LAMA4: variants seen among roughly 807,000 people sequenced by gnomAD.
The protein encoded by LAMA4 is laminin subunit alpha 4.
A neutral mutation model predicts 207.1 loss-of-function variants in LAMA4; 127 were observed. That is an observed-to-expected ratio of 0.61 (90% confidence interval 0.53 to 0.71). The LOEUF (loss-of-function observed/expected upper bound fraction) is 0.71, where lower values mean the gene tolerates loss of function less well. LAMA4 is among the 30% of genes least tolerant of loss of function. The probability of loss-of-function intolerance (pLI) is 0.00; values close to 1 mark genes in which losing one functional copy is unlikely to be tolerated. For synonymous variants in LAMA4, 761 were observed against 816.0 expected, an observed-to-expected ratio of 0.93 and a Z score of 1.15; for missense variants, 2,093 against 2,246.5, an observed-to-expected ratio of 0.93 and a Z score of 1.38.
At chr6:112,136,337 G>T in intron 24 of LAMA4, 83 bp from the exon 25 acceptor site, 1 of 1,083,664 alleles carries the variant, frequency 9.2e-7, no homozygotes, top group Non-Finnish European at 1.4e-6. Context: ...AAATAAGACT[G>T]TATTCTTTAT....
chr6:112,251,927 G>A (rs1469996834), intron 2 of LAMA4, among the ~76,000 whole-genome samples: 2 of 152,054 alleles, frequency 1.3e-5, no homozygotes, highest in African/African-American at 2.4e-5. Context: ...AATTCACTAC[G>A]TGACATTTTT....
chr6:112,113,403 G>C (rs587702159), intron 38 of LAMA4, among the ~76,000 whole-genome samples: 141 of 152,338 alleles, frequency 9.3e-4, no homozygotes, highest in Admixed American at 9.2e-3. Context: ...GGTTTTCCAA[G>C]TTAGTGAAAT....
At chr6:112,121,866 T>G (rs1778380354) in intron 32 of LAMA4, 148 bp downstream of exon 32, 1 of 703,178 alleles carries the variant, frequency 1.4e-6, no homozygotes, top group Non-Finnish European at 2.6e-6. Flanking sequence ...GCATAAATCA[T>G]GTACTATTTA....
At chr6:112,141,970 C>G in intron 20 of LAMA4, 149 bp downstream of exon 20, 1 of 759,134 alleles carries the variant, frequency 1.3e-6, no homozygotes, top group South Asian at 1.6e-5. Context: ...TTTAGTCATT[C>G]TTTTAATTTT....
intron 3 of LAMA4, among the ~76,000 whole-genome samples, chr6:112,211,453 A>C (rs553037449): frequency 6.6e-6 from 1 of 152,350 alleles, no homozygotes; most frequent in East Asian, 1.9e-4. Context: ...AACCTGAATT[A>C]AGCAGATATA....
chr6:112,159,795 C>A (rs531575317), intron 13 of LAMA4, among the ~76,000 whole-genome samples: 1 of 152,330 alleles, frequency 6.6e-6, no homozygotes, highest in East Asian at 1.9e-4. Flanking sequence ...TTTCCTCACT[C>A]TACTCCTGTG....
chr6:112,152,994 A>G (rs1780488004), intron 16 of LAMA4, among the ~76,000 whole-genome samples: 1 of 152,096 alleles, frequency 6.6e-6, no homozygotes, highest in Non-Finnish European at 1.5e-5. Context: ...GAGGAAGAAA[A>G]TCAATTTTGG....
At position 112,209,228 on chromosome 6, in the gene LAMA4, CCT is replaced by C. The variant is rs1784233553; in HGVS notation, c.298-2085_298-2084del. ...GAGTTCTTGCTGGACGGATGAAGCCCCTCTCTGCAGAAGAAAACAGGCCCATT... is the reference window on the plus strand; with the variant it reads ...GAGTTCTTGCTGGACGGATGAAGCCCCTCTGCAGAAGAAAACAGGCCCATT... On this transcript the variant is annotated intron_variant, in intron 3 of 38. Transcript: ENST00000230538. Among the ~76,000 whole-genome samples the C allele has an allele frequency of 3.3e-5, 5 of 152,098 alleles. No individual in the cohort carries two copies. In the South Asian group the frequency reaches 1.0e-3, roughly 31 times the overall value.
At chr6:112,181,757 T>C (rs1380032895) in intron 9 of LAMA4, among the ~76,000 whole-genome samples, 3 of 152,202 alleles carry the variant, frequency 2.0e-5, no homozygotes, top group Admixed American at 2.0e-4. Context: ...CTGAAGCATC[T>C]TGAAAACAGG....
intron 12 of LAMA4, among the ~76,000 whole-genome samples, chr6:112,170,603 A>T (rs1476826285): frequency 6.6e-6 from 1 of 152,226 alleles, no homozygotes; most frequent in Non-Finnish European, 1.5e-5. Context: ...CAGGATCCCC[A>T]AATTGGAAAG....
intron 2 of LAMA4, among the ~76,000 whole-genome samples, chr6:112,241,191 GA>G (rs371621602): frequency 1.7e-5 from 2 of 119,368 alleles, no homozygotes; most frequent in African/African-American, 3.0e-5. Context: ...GAATATATAT[GA>G]ATATATATGA....
At chr6:112,151,258 T>A (rs1474026852) in intron 16 of LAMA4, among the ~76,000 whole-genome samples, 1 of 152,190 alleles carries the variant, frequency 6.6e-6, no homozygotes, top group African/African-American at 2.4e-5. Context: ...AGTGAGGATA[T>A]GGTATTATAA....
In LAMA4 at chr6:112,117,912, A is replaced by C; in HGVS notation, c.4822-14T>G. 1.2e-6 allele frequency: 2 copies of C among 1,611,746 alleles called. No individual in the cohort carries two copies. The highest frequency in any genetic ancestry group is 1.7e-6 in the Non-Finnish European group (2 of 1,178,302). On this transcript the variant is annotated splice_polypyrimidine_tract_variant and intron_variant, in intron 34 of 38. Transcript: ENST00000230538. The surrounding 1 kb of genome is among the most constrained non-coding windows in gnomAD (Gnocchi z 4.5). ...GATGGAGTTAATCTGAGGGAAGAAG[A>C]TATTTCTTAAAATCAATTTTCTCAA...
chr6:112,122,458 C>T (rs1175029751), intron 31 of LAMA4, among the ~76,000 whole-genome samples: 2 of 152,140 alleles, frequency 1.3e-5, no homozygotes, highest in Non-Finnish European at 2.9e-5. Context: ...CAAAGTTAAA[C>T]TGAAGCTATA....
chr6:112,141,990 A>G, intron 20 of LAMA4, 129 bp downstream of exon 20: 2 of 864,602 alleles, frequency 2.3e-6, no homozygotes, highest in Middle Eastern at 2.2e-4. Flanking sequence ...TGCCATTAAA[A>G]TGAGATCTTC....
At chr6:112,251,207 G>T (rs957529387) in intron 2 of LAMA4, 2 of 152,174 alleles carry the variant, frequency 1.3e-5, no homozygotes, top group African/African-American at 4.8e-5. Flanking sequence ...GTTTTACAAG[G>T]AAAAGAGGAG....
intron 2 of LAMA4, chr6:112,217,711 TG>T (rs1554359183): frequency 6.6e-6 from 1 of 152,082 alleles, no homozygotes; most frequent in African/African-American, 2.4e-5. Flanking sequence ...CATTTGTCTA[TG>T]AAAAAAAGGC....
intron 2 of LAMA4, among the ~76,000 whole-genome samples, chr6:112,222,420 T>G (rs1487470165): frequency 5.9e-5 from 9 of 152,078 alleles, no homozygotes; most frequent in African/African-American, 2.2e-4. Context: ...GCCTAGAGAG[T>G]TACCTTTGTG....
intron 9 of LAMA4, among the ~76,000 whole-genome samples, chr6:112,182,691 G>C (rs1782439595): frequency 6.6e-6 from 1 of 152,190 alleles, no homozygotes. Flanking sequence ...ACTGTGCTTT[G>C]TAACTCTGGG....
Sources: allele counts gnomAD v4.1 joint callset (sites outside exome capture counted in the v4.1 genomes callset), GRCh38; gene constraint gnomAD v4.1.1; non-coding constraint Gnocchi (gnomAD v3.1); transcripts MANE v1.5; gene names NCBI Gene and HGNC (gene_info 2026-07-23, HGNC 2026-07-21).